FAM170B: variants seen among roughly 807,000 people sequenced by gnomAD.
FAM170B encodes family with sequence similarity 170 member B, also known as protein FAM170B.
A neutral mutation model predicts 3.9 loss-of-function variants in FAM170B; 4 were observed. The observed-to-expected ratio is 1.01, with a 90% confidence interval of 0.50 to 2.32. The LOEUF is 2.32. FAM170B is among the 30% of genes most tolerant of loss of function. The probability of loss-of-function intolerance (pLI) is 0.02; values close to 1 mark genes in which losing one functional copy is unlikely to be tolerated. For synonymous variants in FAM170B, 163 were observed against 149.8 expected (o/e 1.09, Z -0.64); for missense variants, 417 against 368.6 (o/e 1.13, Z -1.07).
Position 49,132,219 on chromosome 10 carries a change from G to T in FAM170B, c.246C>A (p.Tyr82Ter), listed in dbSNP as rs1351257108. 3.9e-6 allele frequency: 6 copies of T among 1,551,706 alleles called. No individual in the cohort carries two copies. The highest frequency in any genetic ancestry group is 5.2e-6 in the Non-Finnish European group (6 of 1,147,010). The change falls in exon 2 of 2, where the codon TAC becomes TAA. Residue 82 changes from tyrosine to a stop codon, truncating the protein, a stop_gained. Coordinates refer to ENST00000311787, the MANE Select transcript of FAM170B (RefSeq NM_001164484.2). LOFTEE classifies it low-confidence loss of function (END_TRUNC). Reference protein sequence around the residue: ...SSSPSSESSEYQSYSQYQSCC... With the variant: ...SSSPSSESSE ...ACGACTGGTACTGGGAGTAGGACTG[G>T]TACTCGGAGGACTCTGAGGATGGGG...
At position 49,133,861 on chromosome 10, in the gene FAM170B, G is replaced by C; in HGVS notation, c.58C>G (p.Leu20Val). Residue 20 changes from leucine (L) to valine (V), a missense_variant, in exon 1 of 2, where the codon CTC becomes GTC. By Grantham distance (32) the Leu-to-Val change is conservative. Coordinates refer to ENST00000311787, the MANE Select transcript of FAM170B (RefSeq NM_001164484.2). ...GEQSPTDGTTLSLTSPESTEE... is the reference protein window; with the variant it reads ...GEQSPTDGTTVSLTSPESTEE... ...GTGGACTCAGGGCTGGTCAAGCTGA[G>C]GGTGGTCCCATCGGTGGGTGACTGT... 1 of 1,551,714 alleles carries C rather than the reference G, an allele frequency of 6.4e-7. No individual in the cohort carries two copies. Among genetic ancestry groups the C allele is most frequent in the Non-Finnish European group, 8.7e-7 (1 of 1,147,014 alleles).
rs757259044 is a variant in FAM170B, at chr10:49,131,660, G to A, written c.805C>T (p.Arg269Trp). 10 of 1,551,594 alleles carry A rather than the reference G, an allele frequency of 6.4e-6. No individual in the cohort carries two copies. Among genetic ancestry groups the A allele is most frequent in the African/African-American group, 2.7e-5 (2 of 73,048 alleles). ...QSPSDNSECS[R>W]PQGEVLSAQQ... is the part of the protein sequence containing the mutation. ...GCTGAGAGCACCTCACCCTGGGGCC[G>A]GGAACATTCGCTGTTGTCTGAAGGA... Residue 269 changes from arginine (R) to tryptophan (W), a missense_variant, in exon 2 of 2, where the codon CGG (arginine) becomes TGG (tryptophan). Transcript: ENST00000311787.
chr10:49,132,473 C>T, intron 1 of FAM170B, 121 bp from the exon 2 acceptor site: 1 of 1,083,182 alleles, frequency 9.2e-7, no homozygotes, highest in South Asian at 1.8e-5. Flanking sequence ...AACACCGCCC[C>T]CTCTGCCCAT....
In FAM170B at chr10:49,132,165, A is replaced by T. The variant is rs766327168; in HGVS notation, c.300T>A (p.Asn100Lys). 1 of 1,551,638 alleles carries T rather than the reference A, an allele frequency of 6.4e-7. No individual in the cohort carries two copies. Among genetic ancestry groups the T allele is most frequent in the African/African-American group, 1.4e-5 (1 of 73,054 alleles). Reference sequence around the variant, plus strand: ...AGGCACACACACTCTGCGGAGCAGCATTGTCCTCATCGCACATGCAGGAGC... The same window carrying T: ...AGGCACACACACTCTGCGGAGCAGCTTTGTCCTCATCGCACATGCAGGAGC... The part of the protein sequence containing the change: ...SCCSCMCDED[N>K]AAPQSVCAFY... The change falls in exon 2 of 2, where the codon AAT becomes AAA. Residue 100 changes from asparagine (N) to lysine (K), a missense_variant. By Grantham distance (94) the Asn-to-Lys change is moderately conservative (BLOSUM62 0). Coordinates refer to ENST00000311787, the MANE Select transcript of FAM170B (RefSeq NM_001164484.2).
chr10:49,131,965 T>A lies in FAM170B; in HGVS notation c.500A>T (p.Glu167Val), dbSNP rs907016362. ...GGGGCTGCAGTTGCTCTTGCAGGCT[T>A]CCAGGTCCCAGCGCATATCGGTGTT... ...ASNTDMRWDL[E>V]ACKSNCSPEP... Residue 167 changes from glutamate (E) to valine (V), a missense_variant, in exon 2 of 2, where the codon GAA (glutamate) becomes GTA (valine). By Grantham distance (121) the Glu-to-Val change is moderately radical. Coordinates refer to ENST00000311787, the MANE Select transcript of FAM170B (RefSeq NM_001164484.2). The A allele has an allele frequency of 9.0e-6, 14 of 1,551,444 alleles. No homozygotes were observed. Among genetic ancestry groups the A allele is most frequent in the African/African-American group, 1.4e-5 (1 of 73,052 alleles).
In FAM170B at chr10:49,131,592, G is replaced by T. The variant is rs569761208; in HGVS notation, c.*21C>A. The T allele has an allele frequency of 8.4e-6, 13 of 1,540,558 alleles. No individual in the cohort carries two copies. Among genetic ancestry groups the T allele is most frequent in the Admixed American group, 4.0e-5 (2 of 50,612 alleles). ...CCCAGGCCCTGGAGGTGAGGGCAGG[G>T]TTGGGTATCTCCCCTCTGGCTCACT... On this transcript the variant is annotated 3_prime_UTR_variant, in exon 2 of 2. Coordinates refer to ENST00000311787, the MANE Select transcript of FAM170B (RefSeq NM_001164484.2).
intron 1 of FAM170B, 26 bp from the exon 2 acceptor site, chr10:49,132,378 C>T: frequency 2.0e-6 from 3 of 1,506,448 alleles, no homozygotes; most frequent in Non-Finnish European, 2.7e-6. Flanking sequence ...ACATTGTCAT[C>T]AGTGCCCTTT....
In FAM170B at chr10:49,133,105, G is replaced by A. The variant is rs140625752; in HGVS notation, c.112+702C>T. On this transcript the variant is annotated intron_variant, in intron 1 of 1. Transcript: ENST00000311787. ...CATTTAAAATTGCTGAAGTCTGTGT[G>A]CATAAAAGACACCTCAGTAAAGCCC... Among the ~76,000 whole-genome samples, 15 of 152,278 alleles carry A rather than the reference G, an allele frequency of 9.9e-5. No individual in the cohort carries two copies. In the East Asian group the frequency reaches 1.5e-3, roughly 16 times the overall value.
rs1259632681 is a variant in FAM170B at position 49,132,231 on chromosome 10, C to T, written c.234G>A (p.Glu78=). Residue 78 remains glutamate, a synonymous_variant, in exon 2 of 2, where the codon GAG becomes GAA. Coordinates refer to ENST00000311787, the MANE Select transcript of FAM170B (RefSeq NM_001164484.2). The stretch of plus-strand genomic sequence containing the variant: ...GGGAGTAGGACTGGTACTCGGAGGA[C>T]TCTGAGGATGGGGAGCTGCTCCAGT... ...MRDWSSSPSS[E]SSEYQSYSQY... The T allele has an allele frequency of 1.4e-5, 21 of 1,551,670 alleles. 1 individual carries two copies. The South Asian group carries it at 1.4e-4, about 11-fold the overall frequency.
Position 49,132,128 on chromosome 10 carries a change from C to A in FAM170B, c.337G>T (p.Val113Leu). 1 of 1,551,776 alleles carries A rather than the reference C, an allele frequency of 6.4e-7. No individual in the cohort carries two copies. Among genetic ancestry groups the A allele is most frequent in the Non-Finnish European group, 8.7e-7 (1 of 1,146,996 alleles). The change falls in exon 2 of 2, where the codon GTG becomes TTG. Residue 113 changes from valine to leucine, a missense_variant. Transcript: ENST00000311787. The part of the protein sequence containing the change: ...PQSVCAFYTH[V>L]QTVRGVAVAW... ...ACAGCCACACCCCGCACAGTCTGCA[C>A]GTGCGTGTAGAAGGCACACACACTC... is the stretch of plus-strand genomic sequence containing the variant.
Position 49,133,797 on chromosome 10 carries a change from T to C in FAM170B, c.112+10A>G. On this transcript the variant is annotated intron_variant, in intron 1 of 1. Coordinates refer to ENST00000311787, the MANE Select transcript of FAM170B (RefSeq NM_001164484.2). The stretch of plus-strand genomic sequence containing the variant: ...GCTGGCTGACCTTCCAGGCCTTTCT[T>C]TTCACCTACCTGGCCAGAACACTTC... 6.4e-7 allele frequency: 1 copy of C among 1,551,102 alleles called. No homozygotes were observed. Among genetic ancestry groups the C allele is most frequent in the Non-Finnish European group, 8.7e-7 (1 of 1,146,576 alleles).
chr10:49,132,471 C>T, intron 1 of FAM170B, 119 bp from the exon 2 acceptor site: 1 of 1,089,892 alleles, frequency 9.2e-7, no homozygotes, highest in Non-Finnish European at 1.3e-6. Context: ...CAAACACCGC[C>T]CCCTCTGCCC....
chr10:49,132,955 G>C (rs1381535590), intron 1 of FAM170B, among the ~76,000 whole-genome samples: 1 of 152,084 alleles, frequency 6.6e-6, no homozygotes, highest in Non-Finnish European at 1.5e-5. Context: ...AGCTGGGGAC[G>C]GGGTGAGAGG....
chr10:49,133,799 T>G lies in FAM170B; in HGVS notation c.112+8A>C. ...TGGCTGACCTTCCAGGCCTTTCTTT[T>G]CACCTACCTGGCCAGAACACTTCCA... On this transcript the variant is annotated splice_region_variant and intron_variant, in intron 1 of 1. Transcript: ENST00000311787. 6.4e-7 allele frequency: 1 copy of G among 1,551,282 alleles called. No homozygotes were observed. Among genetic ancestry groups the G allele is most frequent in the Non-Finnish European group, 8.7e-7 (1 of 1,146,692 alleles).
rs1383275283 is a variant in FAM170B at position 49,132,183 on chromosome 10, G to T, written c.282C>A (p.Cys94Ter). Reference protein sequence around the residue: ...SYSQYQSCCSCMCDEDNAAPQ... With the variant: ...SYSQYQSCCS ...GAGCAGCATTGTCCTCATCGCACATGCAGGAGCAGCACGACTGGTACTGGG... is the reference window on the plus strand; with the variant it reads ...GAGCAGCATTGTCCTCATCGCACATTCAGGAGCAGCACGACTGGTACTGGG... Residue 94 changes from cysteine (C) to a stop codon, truncating the protein, a stop_gained, in exon 2 of 2, where the codon TGC becomes TGA. Transcript: ENST00000311787. LOFTEE classifies it low-confidence loss of function (END_TRUNC). 5 of 1,551,670 alleles carry T rather than the reference G, an allele frequency of 3.2e-6. No homozygotes were observed. In the African/African-American group the frequency reaches 5.5e-5, roughly 17 times the overall value.
In FAM170B at chr10:49,133,928, T is replaced by G; in HGVS notation, c.-10A>C. 6.5e-7 allele frequency: 1 copy of G among 1,548,094 alleles called. No homozygotes were observed. The highest frequency in any genetic ancestry group is 8.7e-7 in the Non-Finnish European group (1 of 1,143,696). On this transcript the variant is annotated 5_prime_UTR_variant, in exon 1 of 2. Coordinates refer to ENST00000311787, the MANE Select transcript of FAM170B (RefSeq NM_001164484.2). ...TGAAGTAGCATTTCATGATTTGAAATGAGTGCCCAGGGTGTCGGTGCTCCA... is the reference window on the plus strand; with the variant it reads ...TGAAGTAGCATTTCATGATTTGAAAGGAGTGCCCAGGGTGTCGGTGCTCCA...
At position 49,131,587 on chromosome 10, in the gene FAM170B, G is replaced by T. The variant is rs1845181743; in HGVS notation, c.*26C>A. 1 of 1,534,260 alleles carries T rather than the reference G, an allele frequency of 6.5e-7. No individual in the cohort carries two copies. The highest frequency in any genetic ancestry group is 2.0e-5 in the Admixed American group (1 of 50,342). Reference sequence around the variant, plus strand: ...GCAGTCCCAGGCCCTGGAGGTGAGGGCAGGGTTGGGTATCTCCCCTCTGGC... The same window carrying T: ...GCAGTCCCAGGCCCTGGAGGTGAGGTCAGGGTTGGGTATCTCCCCTCTGGC... On this transcript the variant is annotated 3_prime_UTR_variant, in exon 2 of 2. Transcript: ENST00000311787.
intron 1 of FAM170B, among the ~76,000 whole-genome samples, chr10:49,132,778 C>A (rs1437375937): frequency 2.0e-5 from 3 of 150,856 alleles, no homozygotes; most frequent in Non-Finnish European, 4.4e-5. Context: ...ACGGATGAAT[C>A]CTGAATGCAT....
At chr10:49,133,719 G>T in intron 1 of FAM170B, 88 bp downstream of exon 1, 2 of 1,070,848 alleles carry the variant, frequency 1.9e-6, no homozygotes, top group African/African-American at 1.6e-5. Flanking sequence ...ACAGTATCAG[G>T]AGGCAACCTG....
Sources: gnomAD v4.1 joint callset for allele counts (sites outside exome capture counted in the v4.1 genomes callset) on GRCh38, gnomAD v4.1.1 for gene constraint, MANE v1.5 for transcripts, NCBI Gene and HGNC (gene_info 2026-07-23, HGNC 2026-07-21) for gene names.